Variants in SNCAIP observed in about 807,000 individuals in gnomAD.
SNCAIP encodes synphilin-1.
In SNCAIP, 43 loss-of-function variants were observed where a neutral mutation model predicts 86.7. The observed-to-expected ratio is 0.50, with a 90% confidence interval of 0.39 to 0.64. The LOEUF (loss-of-function observed/expected upper bound fraction) is 0.64, where lower values mean the gene tolerates loss of function less well. SNCAIP is among the 30% of genes least tolerant of loss of function. SNCAIP has a pLI of 0.00. For missense variants in SNCAIP, 981 were observed against 1,103.1 expected, an observed-to-expected ratio of 0.89 and a Z score of 1.57; for synonymous variants, 417 against 427.2, an observed-to-expected ratio of 0.98 and a Z score of 0.29.
chr5:122,354,442 G>A (rs1267186053), intron 1 of SNCAIP, among the ~76,000 whole-genome samples: 6 of 152,106 alleles, frequency 3.9e-5, no homozygotes, highest in African/African-American at 4.8e-5. Context: ...ATTTCTGTGC[G>A]GGTAGACTCA....
intron 1 of SNCAIP, among the ~76,000 whole-genome samples, chr5:122,331,315 A>T (rs779790183): frequency 6.6e-6 from 1 of 152,368 alleles, no homozygotes; most frequent in African/African-American, 2.4e-5. Flanking sequence ...ATGTTCATTA[A>T]GCAGTCCCTT....
intron 1 of SNCAIP, among the ~76,000 whole-genome samples, 176 bp from the exon 2 acceptor site, chr5:122,390,913 G>A (rs1163252890): frequency 6.6e-6 from 1 of 152,200 alleles, no homozygotes; most frequent in African/African-American, 2.4e-5. Context: ...TGGAGACGCT[G>A]TGTTTGCTGC....
chr5:122,358,313 G>A (rs1449517530), intron 1 of SNCAIP, among the ~76,000 whole-genome samples: 2 of 150,002 alleles, frequency 1.3e-5, no homozygotes, highest in South Asian at 2.2e-4. Context: ...CCATTAACTC[G>A]TCATTTATAT....
chr5:122,382,322 A>G (rs1337200390), intron 1 of SNCAIP, among the ~76,000 whole-genome samples: 2 of 152,028 alleles, frequency 1.3e-5, no homozygotes, highest in African/African-American at 4.8e-5. Flanking sequence ...CCTTTCTTCC[A>G]GTTGATCGCA....
At chr5:122,346,763 G>C (rs996570307) in intron 1 of SNCAIP, among the ~76,000 whole-genome samples, 1 of 151,284 alleles carries the variant, frequency 6.6e-6, no homozygotes, top group Non-Finnish European at 1.5e-5. Flanking sequence ...ATTGGAATTT[G>C]GGTAAATGAA....
chr5:122,382,493 C>A (rs553084364), intron 1 of SNCAIP, among the ~76,000 whole-genome samples: 2 of 152,280 alleles, frequency 1.3e-5, no homozygotes, highest in East Asian at 3.9e-4. Context: ...TTTGAATGTC[C>A]TCCCGTAGCT....
At chr5:122,449,216 C>T (rs565498192) in intron 8 of SNCAIP, among the ~76,000 whole-genome samples, 2 of 152,244 alleles carry the variant, frequency 1.3e-5, no homozygotes, top group South Asian at 2.1e-4. Context: ...TCATCTAACA[C>T]AAATTGTACT....
chr5:122,396,166 A>G (rs1253255348), intron 2 of SNCAIP, among the ~76,000 whole-genome samples: 1 of 152,190 alleles, frequency 6.6e-6, no homozygotes, highest in Non-Finnish European at 1.5e-5. Flanking sequence ...CCAGCTCAGC[A>G]TCATCAGAAA....
At chr5:122,437,663 C>A (rs1330186343) in intron 6 of SNCAIP, among the ~76,000 whole-genome samples, 1 of 152,184 alleles carries the variant, frequency 6.6e-6, no homozygotes, top group Non-Finnish European at 1.5e-5. Context: ...GTAAATCTTG[C>A]ATATTGAATT....
intron 10 of SNCAIP, among the ~76,000 whole-genome samples, chr5:122,459,016 C>T (rs528076746): frequency 6.6e-6 from 1 of 152,204 alleles, no homozygotes; most frequent in Admixed American, 6.5e-5. Flanking sequence ...AAGGACTGAG[C>T]CTGTCTTCCC....
chr5:122,347,036 A>G (rs997014164), intron 1 of SNCAIP, among the ~76,000 whole-genome samples: 1 of 152,100 alleles, frequency 6.6e-6, no homozygotes, highest in African/African-American at 2.4e-5. Flanking sequence ...AACATCGTTG[A>G]GGCAAGCTTT....
In SNCAIP at chr5:122,425,539, G is replaced by T. The variant is rs1371742660; in HGVS notation, c.1182+8G>T. On this transcript the variant is annotated splice_region_variant and intron_variant, in intron 5 of 10. Transcript: ENST00000261368. The stretch of plus-strand genomic sequence containing the variant: ...GCAGGCCTGGCCATTAAGGTGACTG[G>T]TTGGGGGCTGGAACCTCCACAGCTA... 9.9e-6 allele frequency: 16 copies of T among 1,612,308 alleles called. No individual in the cohort carries two copies. The highest frequency in any genetic ancestry group is 1.4e-5 in the Non-Finnish European group (16 of 1,178,538).
At position 122,414,839 on chromosome 5, in the gene SNCAIP, C is replaced by A. The variant is rs910484640; in HGVS notation, c.131-8029C>A. On this transcript the variant is annotated intron_variant, in intron 3 of 10. Coordinates refer to ENST00000261368, the MANE Select transcript of SNCAIP (RefSeq NM_005460.4). ...CATTTTCCACATTATACTTAAAATT[C>A]TCTGAGTTCTCATTTATTTCCAAGT... Among the ~76,000 whole-genome samples the A allele has an allele frequency of 3.3e-5, 5 of 152,308 alleles. No individual in the cohort carries two copies. In the South Asian group the frequency reaches 6.2e-4, roughly 19 times the overall value.
Position 122,367,012 on chromosome 5 carries a change from C to G in SNCAIP, c.-46-24077C>G, listed in dbSNP as rs74731737. Among the ~76,000 whole-genome samples, 375 of 152,162 alleles carry G rather than the reference C, an allele frequency of 2.5e-3. 3 individuals carry two copies. The highest frequency in any genetic ancestry group is 8.6e-3 in the African/African-American group (356 of 41,504). ...ATGGAAAACATAAAAATTTAATTGA[C>G]AGGATGATTGGATGTACAGGTGAGG... On this transcript the variant is annotated intron_variant, in intron 1 of 10. Coordinates refer to ENST00000261368, the MANE Select transcript of SNCAIP (RefSeq NM_005460.4).
intron 5 of SNCAIP, among the ~76,000 whole-genome samples, chr5:122,428,070 T>C (rs1418821279): frequency 6.6e-6 from 1 of 152,208 alleles, no homozygotes; most frequent in East Asian, 1.9e-4. Context: ...GAGAGCAGTC[T>C]GTTTTCTAAA....
chr5:122,391,770 C>T (rs910335003), intron 2 of SNCAIP, among the ~76,000 whole-genome samples: 7 of 152,148 alleles, frequency 4.6e-5, no homozygotes, highest in Non-Finnish European at 8.8e-5. Flanking sequence ...TCTCTTAATT[C>T]CCATAACAGC....
rs924263812 is a variant in SNCAIP, at chr5:122,332,465, T to C, written c.-47+20181T>C. Among the ~76,000 whole-genome samples the C allele has an allele frequency of 3.9e-5, 6 of 152,308 alleles. No individual in the cohort carries two copies. In the South Asian group the frequency reaches 1.2e-3, roughly 32 times the overall value. ...AGCATACCTGCCAAATCTGTAATGT[T>C]TGGATACAGGTGAAGGCGGGCATAA... On this transcript the variant is annotated intron_variant, in intron 1 of 10. Transcript: ENST00000261368.
intron 1 of SNCAIP, among the ~76,000 whole-genome samples, chr5:122,360,733 G>C (rs548826008): frequency 2.0e-5 from 3 of 152,296 alleles, no homozygotes; most frequent in African/African-American, 7.2e-5. Context: ...AAATTCAGTA[G>C]CTGGAAATCT....
intron 3 of SNCAIP, among the ~76,000 whole-genome samples, chr5:122,405,539 T>C (rs1232597428): frequency 6.6e-6 from 1 of 152,146 alleles, no homozygotes; most frequent in Non-Finnish European, 1.5e-5. Flanking sequence ...AAGTTAAATA[T>C]CTTACCCAGA....
Sources: allele counts gnomAD v4.1 joint callset (sites outside exome capture counted in the v4.1 genomes callset), GRCh38; gene constraint gnomAD v4.1.1; transcripts MANE v1.5; gene names NCBI Gene and HGNC (gene_info 2026-07-23, HGNC 2026-07-21).